WLS: variants seen among roughly 807,000 people sequenced by gnomAD.
WLS encodes the protein protein wntless homolog.
In WLS, 23 loss-of-function variants were observed where a neutral mutation model predicts 62.8. That is an observed-to-expected ratio of 0.37 (90% CI 0.26 to 0.52). The LOEUF (loss-of-function observed/expected upper bound fraction) is 0.52. Among genes scored for constraint, WLS ranks in the 20% least tolerant of loss-of-function variants. The probability of loss-of-function intolerance (pLI) is 0.92; values close to 1 mark genes in which losing one functional copy is unlikely to be tolerated. For missense variants in WLS, 615 were observed against 697.3 expected, an observed-to-expected ratio of 0.88 and a Z score of 1.33; for synonymous variants, 246 against 244.1, an observed-to-expected ratio of 1.01 and a Z score of -0.07.
chr1:68,203,448 A>G (rs1197804401), intron 1 of WLS, among the ~76,000 whole-genome samples: 1 of 152,256 alleles, frequency 6.6e-6, no homozygotes, highest in Non-Finnish European at 1.5e-5. Flanking sequence ...AGGCACTACC[A>G]GCACTGGGCT....
rs1381605964 is a variant in WLS at position 68,229,507 on chromosome 1, G to A, written c.106+2687C>T. On this transcript the variant is annotated intron_variant, in intron 1 of 11. Coordinates refer to ENST00000262348, the MANE Select transcript of WLS (RefSeq NM_024911.7). ...AGGAGTTCTCTTCTCACTCGAGAGA[G>A]CAGAGGAGGTTTCTGAACTTTACCT... is the stretch of plus-strand genomic sequence containing the variant. Among the ~76,000 whole-genome samples, 4 of 152,168 alleles carry A rather than the reference G, an allele frequency of 2.6e-5. No individual in the cohort carries two copies. The East Asian group carries it at 7.8e-4, about 30-fold the overall frequency.
intron 2 of WLS, among the ~76,000 whole-genome samples, chr1:68,169,262 C>G (rs1410787054): frequency 6.6e-6 from 1 of 152,184 alleles, no homozygotes; most frequent in Non-Finnish European, 1.5e-5. Context: ...TTCAAAGTGA[C>G]ATGCAGTTAG....
chr1:68,177,616 C>G (rs887108538), intron 2 of WLS, among the ~76,000 whole-genome samples: 1 of 152,134 alleles, frequency 6.6e-6, no homozygotes, highest in African/African-American at 2.4e-5. Flanking sequence ...ACCTCAGCCT[C>G]CCAAGCAGCT....
chr1:68,099,428 T>C (rs1334365433), intron 11 of WLS, among the ~76,000 whole-genome samples: 1 of 152,162 alleles, frequency 6.6e-6, no homozygotes, highest in Non-Finnish European at 1.5e-5. Context: ...TAAAGAGGAA[T>C]ACTTGATCAG....
At chr1:68,211,935 C>T (rs1184916672) in intron 1 of WLS, among the ~76,000 whole-genome samples, 1 of 152,100 alleles carries the variant, frequency 6.6e-6, no homozygotes. Flanking sequence ...GCACAGTTGG[C>T]TTAACTTGGA....
In WLS at chr1:68,204,603, G is replaced by A. The variant is rs149105193; in HGVS notation, c.107-10376C>T. On this transcript the variant is annotated intron_variant, in intron 1 of 11. Transcript: ENST00000262348. ...ATTACAGGCTTGAGCCACCGCGCCC[G>A]GCCGGAAATATTTTTTTAAAAAACA... is the stretch of plus-strand genomic sequence containing the variant. Among the ~76,000 whole-genome samples, 153 of 152,240 alleles carry A rather than the reference G, an allele frequency of 1.0e-3. No homozygotes were observed. In the Middle Eastern group the frequency reaches 0.014, roughly 14 times the overall value.
chr1:68,146,884 A>G (rs531366855), intron 8 of WLS, among the ~76,000 whole-genome samples: 1 of 151,896 alleles, frequency 6.6e-6, no homozygotes, highest in Non-Finnish European at 1.5e-5. Flanking sequence ...AACTTTGCCC[A>G]AATTGCCTTT....
chr1:68,212,316 A>C (rs1450747961), intron 1 of WLS, among the ~76,000 whole-genome samples: 2 of 152,374 alleles, frequency 1.3e-5, no homozygotes, highest in African/African-American at 4.8e-5. Flanking sequence ...ACAATGTCTA[A>C]CACAATGCCA....
intron 1 of WLS, among the ~76,000 whole-genome samples, chr1:68,221,557 C>T (rs184347601): frequency 1.4e-4 from 22 of 152,284 alleles, no homozygotes; most frequent in African/African-American, 5.1e-4. Flanking sequence ...GCATTCTGCT[C>T]TGGGGCAAAT....
intron 2 of WLS, among the ~76,000 whole-genome samples, chr1:68,180,725 A>C (rs1159388814): frequency 6.6e-6 from 1 of 151,010 alleles, no homozygotes; most frequent in Non-Finnish European, 1.5e-5. Context: ...CTGGTGTCCC[A>C]ACTTTCTCTC....
intron 1 of WLS, among the ~76,000 whole-genome samples, chr1:68,228,666 T>C (rs561394467): frequency 4.0e-5 from 6 of 151,792 alleles, no homozygotes. Context: ...TGTATTTAGA[T>C]GTATTTAGAA....
Position 68,223,309 on chromosome 1 carries a change from A to T in WLS, c.106+8885T>A, listed in dbSNP as rs546333208. On this transcript the variant is annotated intron_variant, in intron 1 of 11. Coordinates refer to ENST00000262348, the MANE Select transcript of WLS (RefSeq NM_024911.7). Reference sequence around the variant, plus strand: ...AATATTTATCATTTGGGGGAGGTTCATAATGAAATACTTGGTTATAGCACA... The same window carrying T: ...AATATTTATCATTTGGGGGAGGTTCTTAATGAAATACTTGGTTATAGCACA... Among the ~76,000 whole-genome samples the T allele has an allele frequency of 2.0e-5, 3 of 152,326 alleles. No homozygotes were observed. In the South Asian group the frequency reaches 6.2e-4, roughly 32 times the overall value.
intron 11 of WLS, among the ~76,000 whole-genome samples, chr1:68,101,002 G>T (rs974331299): frequency 1.3e-5 from 2 of 152,048 alleles, no homozygotes; most frequent in African/African-American, 4.8e-5. Flanking sequence ...AAACATAAAC[G>T]TGGCCAAACC....
intron 2 of WLS, chr1:68,162,788 C>G: frequency 2.7e-6 from 3 of 1,116,012 alleles, no homozygotes; most frequent in East Asian, 4.7e-5. Context: ...CCTATCTGCA[C>G]GATCACTCTC....
At chr1:68,115,096 A>AC (rs1446956469) in intron 11 of WLS, among the ~76,000 whole-genome samples, 2 of 150,852 alleles carry the variant, frequency 1.3e-5, no homozygotes, top group African/African-American at 4.9e-5. Flanking sequence ...ATAATGATAC[A>AC]CCCCCCACCA....
chr1:68,113,207 C>T (rs1411558431), intron 11 of WLS, among the ~76,000 whole-genome samples: 3 of 152,182 alleles, frequency 2.0e-5, no homozygotes, highest in Non-Finnish European at 4.4e-5. Context: ...TATCCGTATC[C>T]TTATAGGTGG....
intron 1 of WLS, among the ~76,000 whole-genome samples, chr1:68,200,654 T>C (rs1413545403): frequency 4.0e-5 from 6 of 151,560 alleles, no homozygotes; most frequent in Non-Finnish European, 7.4e-5. Flanking sequence ...AGCTGAAGAA[T>C]GAATATAAGC....
intron 5 of WLS, among the ~76,000 whole-genome samples, chr1:68,151,208 G>T (rs1333589639): frequency 6.6e-6 from 1 of 152,194 alleles, no homozygotes; most frequent in Non-Finnish European, 1.5e-5. Flanking sequence ...AGGGTGTTTG[G>T]AGGAGAGGGC....
intron 3 of WLS, 104 bp downstream of exon 3, chr1:68,159,019 T>C (rs1039140988): frequency 4.4e-5 from 64 of 1,464,606 alleles, no homozygotes; most frequent in Non-Finnish European, 5.6e-5. Context: ...TTACCAAAGC[T>C]GTCCTCATGC....
Sources: allele counts gnomAD v4.1 joint callset (sites outside exome capture counted in the v4.1 genomes callset), GRCh38; gene constraint gnomAD v4.1.1; transcripts MANE v1.5; gene names NCBI Gene and HGNC (gene_info 2026-07-23, HGNC 2026-07-21).